Variants in RUNDC3B observed in about 807,000 individuals in gnomAD.
RUNDC3B encodes RUN domain-containing protein 3B.
RUNDC3B carries 33 observed loss-of-function variants against 58.4 expected under a neutral mutation model. That is an observed-to-expected ratio of 0.56 (90% CI 0.43 to 0.75). RUNDC3B has a LOEUF of 0.75. Ranked by LOEUF, RUNDC3B falls within the 30% of genes least tolerant of loss-of-function variation. The probability of loss-of-function intolerance (pLI) is 0.00; values close to 1 mark genes in which losing one functional copy is unlikely to be tolerated. For missense variants in RUNDC3B, 501 were observed against 535.7 expected, an observed-to-expected ratio of 0.94 and a Z score of 0.64; for synonymous variants, 193 against 195.2, an observed-to-expected ratio of 0.99 and a Z score of 0.10.
At chr7:87,726,119 G>A (rs1255075708) in intron 4 of RUNDC3B, among the ~76,000 whole-genome samples, 1 of 152,090 alleles carries the variant, frequency 6.6e-6, no homozygotes, top group Non-Finnish European at 1.5e-5. Flanking sequence ...GTCAATTTTG[G>A]CTTTTGTTGC....
At chr7:87,652,331 A>C (rs1174472032) in intron 2 of RUNDC3B, among the ~76,000 whole-genome samples, 1 of 152,114 alleles carries the variant, frequency 6.6e-6, no homozygotes, top group East Asian at 1.9e-4. Context: ...GGGTAGACTC[A>C]CTACTATGTA....
chr7:87,760,627 T>G (rs1833626385), intron 6 of RUNDC3B, among the ~76,000 whole-genome samples: 1 of 152,046 alleles, frequency 6.6e-6, no homozygotes. Flanking sequence ...CACAAGGATA[T>G]ACATACAAAT....
At chr7:87,785,241 G>T (rs1835145624) in intron 8 of RUNDC3B, among the ~76,000 whole-genome samples, 1 of 151,986 alleles carries the variant, frequency 6.6e-6, no homozygotes, top group Non-Finnish European at 1.5e-5. Flanking sequence ...AAGTGTTCCA[G>T]GCCATGGGGC....
chr7:87,810,690 C>G (rs939564767), intron 9 of RUNDC3B, among the ~76,000 whole-genome samples: 1 of 152,124 alleles, frequency 6.6e-6, no homozygotes, highest in Admixed American at 6.5e-5. Context: ...CTTTACTATG[C>G]TGTTTATAAA....
At chr7:87,738,656 A>G (rs1832133059) in intron 4 of RUNDC3B, among the ~76,000 whole-genome samples, 1 of 152,006 alleles carries the variant, frequency 6.6e-6, no homozygotes, top group African/African-American at 2.4e-5. Flanking sequence ...AGAATTGGGT[A>G]GCCTTCTTAA....
intron 10 of RUNDC3B, 117 bp downstream of exon 10, chr7:87,816,379 G>C (rs1584273168): frequency 1.3e-5 from 10 of 741,918 alleles, no homozygotes. Context: ...TAGAAATTAA[G>C]CAGCCATTAT....
chr7:87,729,591 T>C (rs1370607542), intron 4 of RUNDC3B, among the ~76,000 whole-genome samples: 1 of 152,140 alleles, frequency 6.6e-6, no homozygotes, highest in African/African-American at 2.4e-5. Context: ...AGGCAAGACC[T>C]ACCAGTATGG....
At chr7:87,766,177 A>G (rs1833968462) in intron 6 of RUNDC3B, among the ~76,000 whole-genome samples, 1 of 152,100 alleles carries the variant, frequency 6.6e-6, no homozygotes, top group South Asian at 2.1e-4. Flanking sequence ...TTGAGTCTGT[A>G]AGTGTATTTA....
In RUNDC3B at chr7:87,709,387, A is replaced by G. The variant is rs1002848620; in HGVS notation, c.373-1183A>G. 26 of 985,278 alleles carry G rather than the reference A, an allele frequency of 2.6e-5. No homozygotes were observed. In the African/African-American group the frequency reaches 4.5e-4, roughly 17 times the overall value. The allele number at this position is 985,278 out of a possible 1,614,324, so 61.0% of individuals were successfully genotyped here. ...AGAATTTTGAGACTACTGGCCAGCC[A>G]GTAGCTTGCCTCTTCCTTCCTCTGT... On this transcript the variant is annotated intron_variant, in intron 3 of 10. Coordinates refer to ENST00000394654, the MANE Select transcript of RUNDC3B (RefSeq NM_001134405.2).
chr7:87,737,554 C>T (rs928323809), intron 4 of RUNDC3B, among the ~76,000 whole-genome samples: 2 of 152,074 alleles, frequency 1.3e-5, no homozygotes, highest in Non-Finnish European at 1.5e-5. Flanking sequence ...ATTATCTTCT[C>T]AGATCGTTTC....
At chr7:87,822,806 C>T (rs1837556868) in intron 10 of RUNDC3B, among the ~76,000 whole-genome samples, 1 of 152,124 alleles carries the variant, frequency 6.6e-6, no homozygotes, top group Non-Finnish European at 1.5e-5. Flanking sequence ...CCAAACACTG[C>T]ATGTTCTCAC....
At chr7:87,717,296 G>T (rs1329991832) in intron 4 of RUNDC3B, among the ~76,000 whole-genome samples, 2 of 151,596 alleles carry the variant, frequency 1.3e-5, no homozygotes, top group African/African-American at 4.8e-5. Context: ...AATTATAAAT[G>T]AATGAAATTT....
At position 87,628,816 on chromosome 7, in the gene RUNDC3B, A is replaced by T. The variant is rs1033291762; in HGVS notation, c.-8A>T. 3.2e-6 allele frequency: 4 copies of T among 1,240,724 alleles called. No individual in the cohort carries two copies. The highest frequency in any genetic ancestry group is 3.1e-6 in the Non-Finnish European group (3 of 980,968). The allele number at this position is 1,240,724 out of a possible 1,614,324, so 76.9% of individuals were successfully genotyped here. A position where few individuals can be genotyped will look rare whatever the true frequency, so the allele number is the denominator to read the frequency against. ...ACGAGACAAAAGGGGCACGGGGGTA[A>T]GCCCGCCATGGCCTCCCGGAGCCTG... On this transcript the variant is annotated 5_prime_UTR_variant, in exon 1 of 11. In the 5' UTR this introduces an upstream ATG that the reference lacks. Coordinates refer to ENST00000394654, the MANE Select transcript of RUNDC3B (RefSeq NM_001134405.2).
Position 87,816,312 on chromosome 7 carries a change from A to G in RUNDC3B, c.1225+50A>G, listed in dbSNP as rs59075963. 4,580 of 1,494,094 alleles carry G rather than the reference A, an allele frequency of 3.1e-3. 86 individuals carry two copies. The African/African-American group carries it at 0.048, about 16-fold the overall frequency. The allele number at this position is 1,494,094 out of a possible 1,614,324, so 92.6% of individuals were successfully genotyped here. ...AAATTACTCTTTTCCTGTACCATCTATATTTTGGTTGCAGATGATTGCCAG... is the reference window on the plus strand; with the variant it reads ...AAATTACTCTTTTCCTGTACCATCTGTATTTTGGTTGCAGATGATTGCCAG... On this transcript the variant is annotated intron_variant, in intron 10 of 10. Coordinates refer to ENST00000394654, the MANE Select transcript of RUNDC3B (RefSeq NM_001134405.2).
intron 6 of RUNDC3B, among the ~76,000 whole-genome samples, chr7:87,751,338 G>C (rs1158542367): frequency 6.6e-6 from 1 of 152,056 alleles, no homozygotes; most frequent in African/African-American, 2.4e-5. Flanking sequence ...TGTTCTTTTG[G>C]CTTAGGATTG....
chr7:87,720,404 G>A (rs192818593), intron 4 of RUNDC3B, among the ~76,000 whole-genome samples: 12 of 152,098 alleles, frequency 7.9e-5, no homozygotes, highest in Admixed American at 7.2e-4. Context: ...ATGAACTTCT[G>A]AGGAAATGCA....
chr7:87,631,817 G>A (rs1256149244), intron 1 of RUNDC3B, among the ~76,000 whole-genome samples: 1 of 152,090 alleles, frequency 6.6e-6, no homozygotes, highest in African/African-American at 2.4e-5. Flanking sequence ...ACTTTTACAA[G>A]CCATGCAACC....
intron 4 of RUNDC3B, among the ~76,000 whole-genome samples, chr7:87,726,829 A>G (rs1269924126): frequency 6.6e-6 from 1 of 152,040 alleles, no homozygotes; most frequent in Non-Finnish European, 1.5e-5. Flanking sequence ...ATTCCTAAGT[A>G]TTTTATTCTC....
chr7:87,645,790 G>A (rs1822944429), intron 1 of RUNDC3B, among the ~76,000 whole-genome samples: 1 of 152,150 alleles, frequency 6.6e-6, no homozygotes, highest in African/African-American at 2.4e-5. Context: ...CTCATGACTA[G>A]CTATATGATT....
Sources: gnomAD v4.1 joint callset for allele counts (sites outside exome capture counted in the v4.1 genomes callset) on GRCh38, gnomAD v4.1.1 for gene constraint, MANE v1.5 for transcripts, NCBI Gene and HGNC (gene_info 2026-07-23, HGNC 2026-07-21) for gene names.